PDSS2: variants seen among roughly 807,000 people sequenced by gnomAD.
PDSS2 encodes decaprenyl diphosphate synthase subunit 2, also known as all trans-polyprenyl-diphosphate synthase PDSS2.
In PDSS2, 31 loss-of-function variants were observed where a neutral mutation model predicts 44.5. That is an observed-to-expected ratio of 0.70 (90% CI 0.52 to 0.94). The LOEUF (loss-of-function observed/expected upper bound fraction) is 0.94. Among genes scored for constraint, PDSS2 ranks in the 40% least tolerant of loss-of-function variants. The probability of loss-of-function intolerance (pLI) is 0.00; values close to 1 mark genes in which losing one functional copy is unlikely to be tolerated. For missense variants in PDSS2, 452 were observed against 482.2 expected, an observed-to-expected ratio of 0.94 and a Z score of 0.59; for synonymous variants, 157 against 180.3, an observed-to-expected ratio of 0.87 and a Z score of 1.03.
intron 2 of PDSS2, among the ~76,000 whole-genome samples, chr6:107,331,906 A>G (rs547544916): frequency 2.0e-5 from 3 of 152,150 alleles, no homozygotes; most frequent in South Asian, 4.1e-4. Flanking sequence ...GACTAATAAG[A>G]AAGGGTCAAA....
At chr6:107,186,638 T>C (rs560978846) in intron 7 of PDSS2, among the ~76,000 whole-genome samples, 1 of 151,858 alleles carries the variant, frequency 6.6e-6, no homozygotes, top group African/African-American at 2.4e-5. Flanking sequence ...GGCCCTGGTG[T>C]GTGTTGTTCC....
chr6:107,213,691 A>G (rs1773309142), intron 4 of PDSS2, among the ~76,000 whole-genome samples: 1 of 152,084 alleles, frequency 6.6e-6, no homozygotes. Context: ...TGGGTGGGAG[A>G]GGTTGCAGTG....
chr6:107,343,692 A>T (rs944391331), intron 1 of PDSS2, among the ~76,000 whole-genome samples: 4 of 152,226 alleles, frequency 2.6e-5, no homozygotes, highest in Admixed American at 6.5e-5. Context: ...AAATATGCAT[A>T]CATATATACA....
chr6:107,282,692 C>T (rs12182753), intron 2 of PDSS2, among the ~76,000 whole-genome samples: 125 of 151,376 alleles, frequency 8.3e-4, no homozygotes, highest in Non-Finnish European at 1.5e-3. Flanking sequence ...GGTGAAACCC[C>T]GACTCTACTA....
In PDSS2 at chr6:107,210,498, G is replaced by T; in HGVS notation, c.949C>A (p.Pro317Thr). The T allele has an allele frequency of 1.9e-6, 3 of 1,605,928 alleles. No individual in the cohort carries two copies. The highest frequency in any genetic ancestry group is 2.6e-6 in the Non-Finnish European group (3 of 1,172,830). ...AGAAATTCCTGATGTAAGACTACAG[G>T]AGCTGAGTTTAGATTAAAAGTCATG... ...DSMTFNLNSA[P>T]VVLHQEFLGR... Residue 317 changes from proline to threonine, a missense_variant, in exon 6 of 8, where the codon CCT becomes ACT. Transcript: ENST00000369037.
At chr6:107,313,455 C>T (rs1015245094) in intron 2 of PDSS2, among the ~76,000 whole-genome samples, 1 of 152,104 alleles carries the variant, frequency 6.6e-6, no homozygotes, top group Non-Finnish European at 1.5e-5. Context: ...TAGATTCAAG[C>T]AATTCTCCTG....
chr6:107,251,221 T>C (rs1202821237), intron 3 of PDSS2, among the ~76,000 whole-genome samples: 1 of 152,234 alleles, frequency 6.6e-6, no homozygotes, highest in African/African-American at 2.4e-5. Context: ...CAAGTCAGCA[T>C]AATATGATTG....
At chr6:107,356,567 T>C (rs1258710365) in intron 1 of PDSS2, among the ~76,000 whole-genome samples, 1 of 152,218 alleles carries the variant, frequency 6.6e-6, no homozygotes, top group Non-Finnish European at 1.5e-5. Flanking sequence ...AGATCATAAA[T>C]GTTATTTCAA....
At chr6:107,204,840 G>GT (rs1441615537) in intron 6 of PDSS2, among the ~76,000 whole-genome samples, 1 of 152,044 alleles carries the variant, frequency 6.6e-6, no homozygotes, top group Non-Finnish European at 1.5e-5. Flanking sequence ...ACTTATTTCT[G>GT]TATCTCCTGT....
chr6:107,456,454 A>C (rs1275508780), intron 1 of PDSS2, among the ~76,000 whole-genome samples: 2 of 152,246 alleles, frequency 1.3e-5, no homozygotes, highest in African/African-American at 4.8e-5. Context: ...TTTAAAAAGG[A>C]AGTCACATAA....
chr6:107,192,195 T>C, intron 7 of PDSS2: 1 of 214,290 alleles, frequency 4.7e-6, no homozygotes, highest in Non-Finnish European at 9.5e-6. Context: ...ATGATGAGGC[T>C]CAAGTACACA....
At chr6:107,207,074 C>T (rs976430644) in intron 6 of PDSS2, among the ~76,000 whole-genome samples, 2 of 151,652 alleles carry the variant, frequency 1.3e-5, no homozygotes, top group Non-Finnish European at 2.9e-5. Flanking sequence ...CTGACTGCAA[C>T]CTCCGCTTCC....
At chr6:107,283,663 T>C (rs1249868784) in intron 2 of PDSS2, among the ~76,000 whole-genome samples, 1 of 152,114 alleles carries the variant, frequency 6.6e-6, no homozygotes, top group Non-Finnish European at 1.5e-5. Flanking sequence ...GAGGTTGTGG[T>C]GAGCTGAGAT....
At chr6:107,164,759 T>C (rs1482626002) in intron 7 of PDSS2, among the ~76,000 whole-genome samples, 1 of 152,232 alleles carries the variant, frequency 6.6e-6, no homozygotes, top group Non-Finnish European at 1.5e-5. Flanking sequence ...TCCACAATGG[T>C]TGAACTAGTT....
chr6:107,433,901 A>G (rs1404452301), intron 1 of PDSS2, among the ~76,000 whole-genome samples: 1 of 152,244 alleles, frequency 6.6e-6, no homozygotes, highest in Non-Finnish European at 1.5e-5. Flanking sequence ...ACAAGAATAT[A>G]CAAGGGGCTC....
intron 7 of PDSS2, among the ~76,000 whole-genome samples, chr6:107,166,407 C>T (rs1241365073): frequency 6.2e-5 from 9 of 145,264 alleles, no homozygotes; most frequent in African/African-American, 2.3e-4. Flanking sequence ...CTCTGTCGCC[C>T]AGGCTGGAGT....
chr6:107,430,086 A>G (rs1388300236), intron 1 of PDSS2, among the ~76,000 whole-genome samples: 1 of 151,408 alleles, frequency 6.6e-6, no homozygotes, highest in Non-Finnish European at 1.5e-5. Context: ...CCCACCTAAG[A>G]CACCTTCAGC....
chr6:107,289,582 C>T (rs1454983310), intron 2 of PDSS2, among the ~76,000 whole-genome samples: 1 of 151,316 alleles, frequency 6.6e-6, no homozygotes, highest in Non-Finnish European at 1.5e-5. Context: ...CTTGTCCTAG[C>T]TACTCAGGAG....
At chr6:107,458,412 C>CAAAAAAAAAAAAA (rs60758453) in intron 1 of PDSS2, among the ~76,000 whole-genome samples, 6,241 of 77,600 alleles carry the variant, frequency 0.08, 1,659 homozygotes, top group Non-Finnish European at 0.11. Context: ...GACTCCGTCT[C>CAAAAAAAAAAAAA]AAAAAAAAAA....
Sources: gnomAD v4.1 joint callset for allele counts (sites outside exome capture counted in the v4.1 genomes callset) on GRCh38, gnomAD v4.1.1 for gene constraint, MANE v1.5 for transcripts, NCBI Gene and HGNC (gene_info 2026-07-23, HGNC 2026-07-21) for gene names.